Variants in BMPER observed in about 807,000 individuals in gnomAD.
BMPER encodes the protein BMP binding endothelial regulator, also known as BMP-binding endothelial regulator protein.
Under a neutral mutation model 87.3 loss-of-function variants are expected in BMPER, and 45 were observed. That is an observed-to-expected ratio of 0.52 (90% CI 0.41 to 0.66). BMPER has a LOEUF of 0.66. Among genes scored for constraint, BMPER ranks in the 30% least tolerant of loss-of-function variants. BMPER has a pLI of 0.00. For missense variants in BMPER, 784 were observed against 867.5 expected (o/e 0.90, Z 1.21); for synonymous variants, 326 against 316.2 (o/e 1.03, Z -0.33).
intron 6 of BMPER, among the ~76,000 whole-genome samples, chr7:33,976,145 C>T (rs536678098): frequency 6.6e-6 from 1 of 151,998 alleles, no homozygotes; most frequent in African/African-American, 2.4e-5. Flanking sequence ...GACTAAATAG[C>T]TTTATTTTTT....
At chr7:34,070,335 G>C (rs1183319683) in intron 11 of BMPER, among the ~76,000 whole-genome samples, 1 of 152,144 alleles carries the variant, frequency 6.6e-6, no homozygotes. Flanking sequence ...AGCTGCACAA[G>C]ATTTGAGCCT....
At chr7:34,145,668 C>T (rs1790998065) in intron 14 of BMPER, among the ~76,000 whole-genome samples, 2 of 152,138 alleles carry the variant, frequency 1.3e-5, no homozygotes, top group African/African-American at 2.4e-5. Flanking sequence ...CAAGTTTGAT[C>T]CAGCCAACCA....
In BMPER at chr7:34,069,422, G is replaced by A. The variant is rs77565777; in HGVS notation, c.1078+7375G>A. ...TCTGCAATTGCTCCTATAACTAACA[G>A]CGACTTATTGAACATTAGTCCATAT... On this transcript the variant is annotated intron_variant, in intron 11 of 14. Coordinates refer to ENST00000649409, the MANE Select transcript of BMPER (RefSeq NM_001365308.1). Among the ~76,000 whole-genome samples the A allele has an allele frequency of 6.2e-3, 948 of 152,236 alleles. 13 individuals carry two copies. Among genetic ancestry groups the A allele is most frequent in the African/African-American group, 0.022 (908 of 41,534 alleles).
chr7:34,108,876 C>T (rs761674950), intron 13 of BMPER, among the ~76,000 whole-genome samples: 2 of 152,134 alleles, frequency 1.3e-5, no homozygotes, highest in African/African-American at 4.8e-5. Flanking sequence ...CATAGGCTAC[C>T]AGGTGCTTTA....
chr7:34,116,530 G>T (rs1476150756), intron 13 of BMPER, among the ~76,000 whole-genome samples: 2 of 152,198 alleles, frequency 1.3e-5, no homozygotes, highest in Admixed American at 6.5e-5. Flanking sequence ...AGAATGATGG[G>T]AGTTAATAGA....
At chr7:33,924,942 G>A (rs1021995233) in intron 2 of BMPER, among the ~76,000 whole-genome samples, 3 of 152,112 alleles carry the variant, frequency 2.0e-5, no homozygotes, top group Admixed American at 6.6e-5. Context: ...GATTACAGGC[G>A]CGAGCCACTG....
intron 13 of BMPER, among the ~76,000 whole-genome samples, chr7:34,129,614 G>GAGAA (rs1554322691): frequency 8.2e-5 from 4 of 48,820 alleles, no homozygotes; most frequent in Non-Finnish European, 1.6e-4. Flanking sequence ...GAGAGAAAGA[G>GAGAA]AGAGAGAGAG....
At chr7:34,124,299 G>A (rs188030552) in intron 13 of BMPER, among the ~76,000 whole-genome samples, 2 of 152,028 alleles carry the variant, frequency 1.3e-5, no homozygotes, top group African/African-American at 4.8e-5. Context: ...TTTCTTCCAT[G>A]TATTATGTTG....
At chr7:34,122,329 C>T (rs540185700) in intron 13 of BMPER, among the ~76,000 whole-genome samples, 4 of 152,288 alleles carry the variant, frequency 2.6e-5, no homozygotes, top group South Asian at 4.1e-4. Flanking sequence ...TTTAGTAGCT[C>T]GGTTTTAGAC....
rs1358263390 is a variant in BMPER at position 34,154,152 on chromosome 7, G to A, written c.*879G>A. 1.3e-5 allele frequency: 2 copies of A among 152,610 alleles called. No individual in the cohort carries two copies. The highest frequency in any genetic ancestry group is 2.9e-5 in the Non-Finnish European group (2 of 68,026). 9.5% of individuals were successfully genotyped at this position (152,610 alleles called of 1,614,324 possible). A position where few individuals can be genotyped will look rare whatever the true frequency, so the allele number is the denominator to read the frequency against. On this transcript the variant is annotated 3_prime_UTR_variant, in exon 15 of 15. Transcript: ENST00000649409. Reference sequence around the variant, plus strand: ...GTAATTTAAGATGGGCAAATCCAATGAGTTGATGTAACCCATCTACATTTT... The same window carrying A: ...GTAATTTAAGATGGGCAAATCCAATAAGTTGATGTAACCCATCTACATTTT...
chr7:34,152,721 T>A (rs990430153), intron 14 of BMPER, among the ~76,000 whole-genome samples: 10 of 152,222 alleles, frequency 6.6e-5, no homozygotes, highest in Non-Finnish European at 1.5e-4. Flanking sequence ...CACAAAATAT[T>A]CCTATTCATC....
At position 34,024,383 on chromosome 7, in the gene BMPER, CAATATATA is replaced by C. The variant is rs1787292097; in HGVS notation, c.577-21922_577-21915del. Among the ~76,000 whole-genome samples the C allele has an allele frequency of 5.5e-4, 4 of 7,248 alleles. 1 individual carries two copies. The highest frequency in any genetic ancestry group is 2.1e-3 in the African/African-American group (4 of 1,890). 4.8% of individuals were successfully genotyped at this position (7,248 alleles called of 152,430 possible). A position where few individuals can be genotyped will look rare whatever the true frequency, so the allele number is the denominator to read the frequency against. On this transcript the variant is annotated intron_variant, in intron 6 of 14. Coordinates refer to ENST00000649409, the MANE Select transcript of BMPER (RefSeq NM_001365308.1). The stretch of plus-strand genomic sequence containing the variant: ...AAAAAAAAAAAAAAAAAAAAAAAAA[CAATATATA>C]TATATATATATATATATATATATAT...
chr7:34,070,531 A>G (rs977321455), intron 11 of BMPER, among the ~76,000 whole-genome samples: 1 of 151,930 alleles, frequency 6.6e-6, no homozygotes, highest in African/African-American at 2.4e-5. Context: ...CCCTTTTTGC[A>G]CACCCCTGTC....
chr7:34,001,699 TTTTC>T (rs1377206916), intron 6 of BMPER, among the ~76,000 whole-genome samples: 1 of 151,794 alleles, frequency 6.6e-6, no homozygotes, highest in Non-Finnish European at 1.5e-5. Context: ...GTCTTCATCA[TTTTC>T]TTTCTTCTGG....
At chr7:34,073,123 T>G (rs1562725385) in intron 11 of BMPER, among the ~76,000 whole-genome samples, 2 of 152,180 alleles carry the variant, frequency 1.3e-5, no homozygotes, top group African/African-American at 4.8e-5. Flanking sequence ...CTCAAATTAA[T>G]TAACTAACTC....
intron 13 of BMPER, among the ~76,000 whole-genome samples, chr7:34,141,506 A>G (rs10258073): frequency 0.82 from 124,741 of 151,236 alleles, 51,645 homozygotes; most frequent in East Asian, 0.95. Flanking sequence ...GCTACTTGGG[A>G]GGCTGAGGCA....
At chr7:33,948,856 G>A (rs961475099) in intron 3 of BMPER, among the ~76,000 whole-genome samples, 2 of 152,254 alleles carry the variant, frequency 1.3e-5, no homozygotes, top group Admixed American at 6.5e-5. Flanking sequence ...GACTAATACA[G>A]TATCATACTG....
chr7:33,941,157 T>A (rs1173364078), intron 3 of BMPER, among the ~76,000 whole-genome samples: 1 of 135,808 alleles, frequency 7.4e-6, no homozygotes, highest in Non-Finnish European at 1.5e-5. Flanking sequence ...TACATATAAT[T>A]TATATATTAT....
intron 13 of BMPER, among the ~76,000 whole-genome samples, chr7:34,130,390 A>G (rs1342696584): frequency 2.6e-5 from 4 of 152,150 alleles, no homozygotes; most frequent in Admixed American, 2.6e-4. Context: ...CTGACCTCCT[A>G]GCTGTCTACT....
Sources: gnomAD v4.1 joint callset for allele counts (sites outside exome capture counted in the v4.1 genomes callset) on GRCh38, gnomAD v4.1.1 for gene constraint, MANE v1.5 for transcripts, NCBI Gene and HGNC (gene_info 2026-07-23, HGNC 2026-07-21) for gene names.